Variants in TBC1D7 observed in about 807,000 individuals in gnomAD.
TBC1D7 encodes TBC1 domain family member 7.
Under a neutral mutation model 35.3 loss-of-function variants are expected in TBC1D7, and 33 were observed. The observed-to-expected ratio is 0.93, with a 90% CI of 0.71 to 1.25. The LOEUF is 1.25. Among genes scored for constraint, TBC1D7 ranks in the 50% most tolerant of loss-of-function variants. The pLI, the probability that TBC1D7 is intolerant of heterozygous loss-of-function variation, is 0.00. For synonymous variants in TBC1D7, 135 were observed against 129.5 expected (o/e 1.04, Z -0.29); for missense variants, 362 against 365.3 (o/e 0.99, Z 0.07).
chr6:13,325,259 G>C, intron 2 of TBC1D7, 85 bp from the exon 3 acceptor site: 3 of 959,802 alleles, frequency 3.1e-6, no homozygotes, highest in Non-Finnish European at 4.8e-6. Context: ...AAAACTCAAA[G>C]AATAGTTAAG....
intron 4 of TBC1D7, 59 bp from the exon 5 acceptor site, chr6:13,316,767 C>T (rs1783658834): frequency 1.3e-6 from 2 of 1,573,428 alleles, no homozygotes; most frequent in Admixed American, 3.9e-5. Context: ...ATACATATTT[C>T]TTTAATAAAA....
chr6:13,319,572 A>G (rs1172009089), intron 4 of TBC1D7: 15 of 152,152 alleles, frequency 9.9e-5, no homozygotes, highest in Non-Finnish European at 2.9e-5. Context: ...GAAGAAGAGC[A>G]TCAGTGGGAC....
chr6:13,322,544 T>A (rs1784116339), intron 3 of TBC1D7, among the ~76,000 whole-genome samples: 1 of 152,204 alleles, frequency 6.6e-6, no homozygotes, highest in South Asian at 2.1e-4. Context: ...CAGCAAACAC[T>A]AAGCTGTATA....
rs1262420424 is a variant in TBC1D7 at position 13,306,545 on chromosome 6, T to C, written c.666-18A>G. 16 of 1,560,088 alleles carry C rather than the reference T, an allele frequency of 1.0e-5. No homozygotes were observed. Among genetic ancestry groups the C allele is most frequent in the Non-Finnish European group, 1.4e-5 (16 of 1,155,506 alleles). ...CCCAAACCCTACAAAAATAAGGAGATATAATCAAATTATATGAGTTTCAGA... is the reference window on the plus strand; with the variant it reads ...CCCAAACCCTACAAAAATAAGGAGACATAATCAAATTATATGAGTTTCAGA... On this transcript the variant is annotated intron_variant, in intron 6 of 7. Coordinates refer to ENST00000379300, the MANE Select transcript of TBC1D7 (RefSeq NM_016495.6).
intron 5 of TBC1D7, among the ~76,000 whole-genome samples, chr6:13,310,362 G>T (rs1232824627): frequency 6.6e-6 from 1 of 152,198 alleles, no homozygotes; most frequent in Non-Finnish European, 1.5e-5. Context: ...TGTAGGCTGG[G>T]CGTGGTGGCT....
chr6:13,304,980 A>C lies in TBC1D7; in HGVS notation c.*121T>G. On this transcript the variant is annotated 3_prime_UTR_variant, in exon 8 of 8. Coordinates refer to ENST00000379300, the MANE Select transcript of TBC1D7 (RefSeq NM_016495.6). ...AATTAAATAATTTTATTGGGGGAAA[A>C]AAACCACTTTGAGCACCAAAGCAAG... 1.2e-6 allele frequency: 1 copy of C among 802,680 alleles called. No homozygotes were observed. The allele number at this position is 802,680 out of a possible 1,614,324, so 49.7% of individuals were successfully genotyped here.
chr6:13,310,934 T>A (rs574849564), intron 5 of TBC1D7, among the ~76,000 whole-genome samples: 1 of 152,310 alleles, frequency 6.6e-6, no homozygotes, highest in Admixed American at 6.5e-5. Flanking sequence ...TGATTTATTA[T>A]AGATAGATGT....
At position 13,305,051 on chromosome 6, in the gene TBC1D7, A is replaced by T. The variant is rs1782714919; in HGVS notation, c.*50T>A. ...GTTTCCCAGATCACATGCCAAGAAC[A>T]CAATGCTCACTGTGGTGCCTGGCAG... On this transcript the variant is annotated 3_prime_UTR_variant, in exon 8 of 8. Coordinates refer to ENST00000379300, the MANE Select transcript of TBC1D7 (RefSeq NM_016495.6). 1 of 1,432,298 alleles carries T rather than the reference A, an allele frequency of 7.0e-7. No homozygotes were observed. Among genetic ancestry groups the T allele is most frequent in the African/African-American group, 1.4e-5 (1 of 69,440 alleles). 88.7% of individuals were successfully genotyped at this position (1,432,298 alleles called of 1,614,324 possible).
chr6:13,307,633 A>C lies in TBC1D7; in HGVS notation c.632T>G (p.Phe211Cys), dbSNP rs1782899887. The change falls in exon 6 of 8, where the codon TTT becomes TGT. Residue 211 changes from phenylalanine (F) to cysteine (C), a missense_variant. Physicochemically the swap from Phe to Cys is radical, Grantham distance 205. Transcript: ENST00000379300. ...ACTGGATTCAGGCAAACATCCCGCA[A>C]AGCACCTCTTGAACCAGAGATCATA... The part of the protein sequence containing the change: ...LPYDLWFKRC[F>C]AGCLPESSLQ... 6 of 1,614,176 alleles carry C rather than the reference A, an allele frequency of 3.7e-6. No individual in the cohort carries two copies. The East Asian group carries it at 1.3e-4, about 36-fold the overall frequency.
At chr6:13,314,909 G>A (rs1173911676) in intron 5 of TBC1D7, among the ~76,000 whole-genome samples, 4 of 152,178 alleles carry the variant, frequency 2.6e-5, no homozygotes, top group African/African-American at 4.8e-5. Context: ...AAAAAAGAAA[G>A]TGGCAAAGGA....
At chr6:13,313,337 A>G (rs1783366838) in intron 5 of TBC1D7, among the ~76,000 whole-genome samples, 2 of 152,260 alleles carry the variant, frequency 1.3e-5, no homozygotes, top group Non-Finnish European at 2.9e-5. Context: ...CCATTTCACT[A>G]TCAGATGGAT....
At chr6:13,309,757 G>A (rs2458312) in intron 5 of TBC1D7, among the ~76,000 whole-genome samples, 45,862 of 151,936 alleles carry the variant, frequency 0.3, 7,218 homozygotes, top group South Asian at 0.46. Context: ...CTGAATACAC[G>A]ATTTAGTATT....
At position 13,306,426 on chromosome 6, in the gene TBC1D7, G is replaced by A. The variant is rs1373303809; in HGVS notation, c.767C>T (p.Ala256Val). 6.9e-6 allele frequency: 11 copies of A among 1,603,658 alleles called. No homozygotes were observed. In the Admixed American group the frequency reaches 1.6e-4, roughly 23 times the overall value. ...FKIKVMALNSAEKITKFLENI... is the reference protein window; with the variant it reads ...FKIKVMALNSVEKITKFLENI... The stretch of plus-strand genomic sequence containing the variant: ...TTCCAGAAACTTTGTTATCTTCTCT[G>A]CACTGTTCAGTGCCATAACTTTTAT... Residue 256 changes from alanine (A) to valine (V), a missense_variant, in exon 7 of 8, where the codon GCA (alanine) becomes GTA (valine). Transcript: ENST00000379300.
Position 13,305,161 on chromosome 6 carries a change from G to A in TBC1D7, c.822C>T (p.Ile274=), listed in dbSNP as rs774983791. The change falls in exon 8 of 8, where the codon ATC becomes ATT. Residue 274 remains isoleucine, a synonymous_variant. Transcript: ENST00000379300. ...GCCACAAGTCAATGGCCTTGCTCACGATCGCGTCTGAGCTGTCCTGGGGAA... is the reference window on the plus strand; with the variant it reads ...GCCACAAGTCAATGGCCTTGCTCACAATCGCGTCTGAGCTGTCCTGGGGAA... ...ENIPQDSSDA[I]VSKAIDLWHK... 3.2e-5 allele frequency: 51 copies of A among 1,613,998 alleles called. No homozygotes were observed. Among genetic ancestry groups the A allele is most frequent in the Admixed American group, 1.5e-4 (9 of 59,998 alleles).
chr6:13,305,313 TAA>T, intron 7 of TBC1D7, 126 bp from the exon 8 acceptor site: 2 of 895,038 alleles, frequency 2.2e-6, no homozygotes, highest in South Asian at 2.8e-5. Flanking sequence ...AGTGACAGCA[TAA>T]AAGACTTGCG....
At chr6:13,316,120 T>C (rs1483596119) in intron 5 of TBC1D7, among the ~76,000 whole-genome samples, 5 of 152,260 alleles carry the variant, frequency 3.3e-5, no homozygotes, top group East Asian at 1.9e-4. Flanking sequence ...CTCTCCATAC[T>C]GTGGTTCTGC....
intron 4 of TBC1D7, chr6:13,320,452 T>C: frequency 2.6e-6 from 1 of 386,564 alleles, no homozygotes. Context: ...TCTCAAATGA[T>C]TTAGGAAAAA....
chr6:13,317,051 T>C (rs1161766602), intron 4 of TBC1D7, among the ~76,000 whole-genome samples: 1 of 152,224 alleles, frequency 6.6e-6, no homozygotes, highest in Non-Finnish European at 1.5e-5. Context: ...GGTGAGGATA[T>C]CTTTGAAAAG....
intron 4 of TBC1D7, chr6:13,320,555 A>C (rs936347660): frequency 2.1e-5 from 12 of 571,836 alleles, no homozygotes; most frequent in Non-Finnish European, 3.4e-5. Context: ...TAGCACCTAC[A>C]ATTTTTTATT....
Sources: gnomAD v4.1 joint callset for allele counts (sites outside exome capture counted in the v4.1 genomes callset) on GRCh38, gnomAD v4.1.1 for gene constraint, MANE v1.5 for transcripts, NCBI Gene and HGNC (gene_info 2026-07-23, HGNC 2026-07-21) for gene names.